Variants in CHN2 observed in about 807,000 individuals in gnomAD.
The protein encoded by CHN2 is beta-chimaerin.
In CHN2, 35 loss-of-function variants were observed where a neutral mutation model predicts 56.3. The ratio of observed to expected loss-of-function variants is 0.62; its 90% CI spans 0.47 to 0.82. CHN2 has a LOEUF of 0.82. Ranked by LOEUF, CHN2 falls within the 40% of genes least tolerant of loss-of-function variation. CHN2 has a pLI of 0.00. For synonymous variants in CHN2, 210 were observed against 212.8 expected, an observed-to-expected ratio of 0.99 and a Z score of 0.12; for missense variants, 491 against 580.5, an observed-to-expected ratio of 0.85 and a Z score of 1.58.
chr7:29,267,249 T>C (rs1298682947), intron 1 of CHN2, among the ~76,000 whole-genome samples: 1 of 151,792 alleles, frequency 6.6e-6, no homozygotes, highest in East Asian at 1.9e-4. Context: ...TTTTTTTTTT[T>C]TTAATTTTTT....
At chr7:29,490,707 C>T (rs1788565391) in intron 7 of CHN2, among the ~76,000 whole-genome samples, 2 of 152,182 alleles carry the variant, frequency 1.3e-5, no homozygotes, top group South Asian at 4.1e-4. Context: ...TCTTGTCTTT[C>T]CAGTGTATAC....
At chr7:29,404,360 G>T (rs527621837) in intron 6 of CHN2, among the ~76,000 whole-genome samples, 89 of 152,274 alleles carry the variant, frequency 5.8e-4, no homozygotes, top group African/African-American at 2.1e-3. Context: ...AATATGGTTT[G>T]TCATATTAAA....
At chr7:29,346,915 T>G (rs1295534793) in intron 1 of CHN2, among the ~76,000 whole-genome samples, 1 of 152,214 alleles carries the variant, frequency 6.6e-6, no homozygotes, top group Non-Finnish European at 1.5e-5. Context: ...AACATATTTC[T>G]GGAGCTAAAA....
chr7:29,245,929 A>G (rs1788041301), intron 1 of CHN2, among the ~76,000 whole-genome samples: 1 of 152,216 alleles, frequency 6.6e-6, no homozygotes, highest in Non-Finnish European at 1.5e-5. Flanking sequence ...GGCTCCTGAT[A>G]AGGAGGGGCT....
At chr7:29,233,825 ATTTTT>A (rs1175429614) in intron 1 of CHN2, among the ~76,000 whole-genome samples, 567 of 53,160 alleles carry the variant, frequency 0.011, 11 homozygotes, top group African/African-American at 0.032. Context: ...CAACACCTTG[ATTTTT>A]TTTTTTTTTT....
intron 2 of CHN2, among the ~76,000 whole-genome samples, chr7:29,162,661 C>CAAAAAA (rs35159645): frequency 6.9e-5 from 4 of 58,340 alleles, no homozygotes; most frequent in Non-Finnish European, 1.3e-4. Context: ...AACTCCATCT[C>CAAAAAA]AAAAAAAAAA....
chr7:29,322,847 G>A (rs1000436073), intron 1 of CHN2, among the ~76,000 whole-genome samples: 1 of 152,152 alleles, frequency 6.6e-6, no homozygotes, highest in Non-Finnish European at 1.5e-5. Flanking sequence ...ACCTCCTGAA[G>A]CAACTTTTGG....
chr7:29,417,559 G>C (rs1260166669), intron 6 of CHN2, among the ~76,000 whole-genome samples: 1 of 152,128 alleles, frequency 6.6e-6, no homozygotes, highest in African/African-American at 2.4e-5. Context: ...AGTAGAGAAA[G>C]ATCCATTAGG....
chr7:29,195,742 ATGGT>A (rs1490087306), intron 1 of CHN2, among the ~76,000 whole-genome samples: 1 of 151,848 alleles, frequency 6.6e-6, no homozygotes, highest in Non-Finnish European at 1.5e-5. Context: ...CCTTTTAAGA[ATGGT>A]TGAGCAAAGG....
At chr7:29,247,891 T>G (rs746279989) in intron 1 of CHN2, among the ~76,000 whole-genome samples, 2 of 152,250 alleles carry the variant, frequency 1.3e-5, no homozygotes, top group Non-Finnish European at 2.9e-5. Flanking sequence ...ATACTGTTTT[T>G]GATTTTAGTT....
chr7:29,380,120 C>G (rs904841640), intron 3 of CHN2, among the ~76,000 whole-genome samples: 1 of 152,166 alleles, frequency 6.6e-6, no homozygotes, highest in Non-Finnish European at 1.5e-5. Flanking sequence ...GTTAATCACT[C>G]TGAACTGCAG....
chr7:29,500,066 T>C, intron 9 of CHN2, 26 bp downstream of exon 9: 2 of 1,445,284 alleles, frequency 1.4e-6, no homozygotes. Flanking sequence ...CCTATTATAG[T>C]AGTATAGTGA....
At chr7:29,249,604 T>C (rs1788333080) in intron 1 of CHN2, among the ~76,000 whole-genome samples, 1 of 152,238 alleles carries the variant, frequency 6.6e-6, no homozygotes, top group African/African-American at 2.4e-5. Context: ...CCCGCTAGGT[T>C]GTCCTGCGGC....
intron 7 of CHN2, among the ~76,000 whole-genome samples, chr7:29,495,466 C>A (rs1789165484): frequency 6.6e-6 from 1 of 152,148 alleles, no homozygotes; most frequent in Non-Finnish European, 1.5e-5. Flanking sequence ...TTTTAAAATG[C>A]CTTTTTTGGA....
intron 11 of CHN2, among the ~76,000 whole-genome samples, chr7:29,508,273 G>A (rs1790839637): frequency 6.6e-6 from 1 of 151,842 alleles, no homozygotes; most frequent in South Asian, 2.1e-4. Flanking sequence ...AGTGAAAAGG[G>A]GGCAGGTCTG....
intron 1 of CHN2, among the ~76,000 whole-genome samples, chr7:29,315,822 C>G (rs111441413): frequency 2.0e-5 from 3 of 151,962 alleles, no homozygotes; most frequent in Admixed American, 2.0e-4. Flanking sequence ...TTTTTTAAAT[C>G]GTGAAAATGC....
intron 3 of CHN2, among the ~76,000 whole-genome samples, chr7:29,383,224 A>G (rs185968716): frequency 1.7e-3 from 258 of 151,950 alleles, no homozygotes; most frequent in Non-Finnish European, 3.2e-3. Flanking sequence ...AACCAATTGT[A>G]TGTGTGTGTA....
intron 6 of CHN2, among the ~76,000 whole-genome samples, chr7:29,406,796 C>T (rs777204017): frequency 6.6e-6 from 1 of 152,140 alleles, no homozygotes; most frequent in Non-Finnish European, 1.5e-5. Context: ...TTCCCACCTG[C>T]ATTTAAAAAT....
chr7:29,473,476 T>TGTGTGTGTGTGTGTG (rs1232651713), intron 6 of CHN2, among the ~76,000 whole-genome samples: 7 of 111,632 alleles, frequency 6.3e-5, no homozygotes, highest in African/African-American at 2.4e-4. Context: ...TTGTGTTTTT[T>TGTGTGTGTGTGTGTG]TTTTTTTGTG....
Sources: allele counts gnomAD v4.1 joint callset (sites outside exome capture counted in the v4.1 genomes callset), GRCh38; gene constraint gnomAD v4.1.1; transcripts MANE v1.5; gene names NCBI Gene and HGNC (gene_info 2026-07-23, HGNC 2026-07-21).